The following POLR3H variants were observed in gnomAD, a reference collection of about 807,000 sequenced individuals.
POLR3H encodes the protein RNA polymerase III subunit H.
In POLR3H, 17 loss-of-function variants were observed where a neutral mutation model predicts 25.5. The observed-to-expected ratio is 0.67, with a 90% confidence interval of 0.46 to 1.00. The LOEUF is 1.00. Among genes scored for constraint, POLR3H ranks in the 50% least tolerant of loss-of-function variants. POLR3H has a pLI of 0.00. For missense variants in POLR3H, 274 were observed against 265.0 expected, an observed-to-expected ratio of 1.03 and a Z score of -0.24; for synonymous variants, 129 against 103.0, an observed-to-expected ratio of 1.25 and a Z score of -1.53.
rs1041205876 is a variant in POLR3H, at chr22:41,526,551, G to A, written c.*2732C>T. On this transcript the variant is annotated 3_prime_UTR_variant, in exon 6 of 6. Coordinates refer to ENST00000355209, the MANE Select transcript of POLR3H (RefSeq NM_001018050.4). Reference sequence around the variant, plus strand: ...CATTAGGGGAGTGGAAACTGGGAAGGAGGCCGACCAAGCCCAAAGGGGACT... The same window carrying A: ...CATTAGGGGAGTGGAAACTGGGAAGAAGGCCGACCAAGCCCAAAGGGGACT... 12 of 1,387,690 alleles carry A rather than the reference G, an allele frequency of 8.6e-6. No homozygotes were observed. Among genetic ancestry groups the A allele is most frequent in the Non-Finnish European group, 1.1e-5 (11 of 1,027,446 alleles). The allele number at this position is 1,387,690 out of a possible 1,614,324, so 86.0% of individuals were successfully genotyped here. A position where few individuals can be genotyped will look rare whatever the true frequency, so the allele number is the denominator to read the frequency against.
At chr22:41,535,945 G>A (rs1179727095) in intron 2 of POLR3H, among the ~76,000 whole-genome samples, 2 of 152,012 alleles carry the variant, frequency 1.3e-5, no homozygotes, top group African/African-American at 4.8e-5. Flanking sequence ...ACTGCAGCGT[G>A]GGCGACAGAG....
In POLR3H at chr22:41,527,102, T is replaced by G; in HGVS notation, c.*2181A>C. ...GTGCCTCTGTCCCCTCGGGGCCTCG[T>G]TTGGGTCTCATTCACGCAGGCTTCA... On this transcript the variant is annotated 3_prime_UTR_variant, in exon 6 of 6. Transcript: ENST00000355209. The G allele has an allele frequency of 1.2e-6, 1 of 817,646 alleles. No homozygotes were observed. Among genetic ancestry groups the G allele is most frequent in the Non-Finnish European group, 1.9e-6 (1 of 531,846 alleles). 50.6% of individuals were successfully genotyped at this position (817,646 alleles called of 1,614,324 possible).
chr22:41,529,890 G>A (rs1035628873), intron 5 of POLR3H, among the ~76,000 whole-genome samples: 1 of 151,978 alleles, frequency 6.6e-6, no homozygotes, highest in Non-Finnish European at 1.5e-5. Context: ...CAAGTAGCTG[G>A]GACTACAGGC....
chr22:41,537,313 C>G (rs114503405), intron 2 of POLR3H, among the ~76,000 whole-genome samples: 1 of 152,116 alleles, frequency 6.6e-6, no homozygotes, highest in Non-Finnish European at 1.5e-5. Flanking sequence ...ATAGGGAAAC[C>G]GAGTTTCAGA....
Position 41,532,635 on chromosome 22 carries a change from CT to C in POLR3H, c.295+23del, listed in dbSNP as rs1569031869. Reference sequence around the variant, plus strand: ...CCCCCACAGTGTTCCCAAGTCTTGTCTGAGGCGTCAGGGCCACTGTTACCGT... The same window carrying C: ...CCCCCACAGTGTTCCCAAGTCTTGTCGAGGCGTCAGGGCCACTGTTACCGT... On this transcript the variant is annotated intron_variant, in intron 3 of 5. Transcript: ENST00000355209. 5 of 1,613,810 alleles carry C rather than the reference CT, an allele frequency of 3.1e-6. No individual in the cohort carries two copies. The African/African-American group carries it at 6.7e-5, about 22-fold the overall frequency.
chr22:41,533,495 G>T lies in POLR3H; in HGVS notation c.209-750C>A, dbSNP rs2066785221. The stretch of plus-strand genomic sequence containing the variant: ...CCCACTCACAGCCACATAGCCATGG[G>T]GAGACACCTGGTCTTTCTGTACCCA... On this transcript the variant is annotated intron_variant, in intron 2 of 5. Coordinates refer to ENST00000355209, the MANE Select transcript of POLR3H (RefSeq NM_001018050.4). 3.3e-6 allele frequency: 4 copies of T among 1,201,446 alleles called. No homozygotes were observed. The African/African-American group carries it at 6.4e-5, about 19-fold the overall frequency. The allele number at this position is 1,201,446 out of a possible 1,614,324, so 74.4% of individuals were successfully genotyped here.
Position 41,532,697 on chromosome 22 carries a change from A to T in POLR3H, c.257T>A (p.Ile86Asn). 1 of 1,614,008 alleles carries T rather than the reference A, an allele frequency of 6.2e-7. No individual in the cohort carries two copies. Among genetic ancestry groups the T allele is most frequent in the Non-Finnish European group, 8.5e-7 (1 of 1,179,956 alleles). The change falls in exon 3 of 6, where the codon ATT (isoleucine) becomes AAT (asparagine). Residue 86 changes from isoleucine (I) to asparagine (N), a missense_variant. By Grantham distance (149) the Ile-to-Asn change is moderately radical. Coordinates refer to ENST00000355209, the MANE Select transcript of POLR3H (RefSeq NM_001018050.4). ...TGGGCTGCAGCCTTTGATCTTCCCA[A>T]TGAGAATCTCATCTAGGAATGGATG... Reference protein sequence around the residue: ...VFHPFLDEILIGKIKGCSPEG... With the variant: ...VFHPFLDEILNGKIKGCSPEG...
At chr22:41,543,519 G>A (rs757770126) in intron 1 of POLR3H, among the ~76,000 whole-genome samples, 6 of 152,108 alleles carry the variant, frequency 3.9e-5, no homozygotes, top group Non-Finnish European at 4.4e-5. Flanking sequence ...TACTCGGGAG[G>A]CTGGGGCAGG....
Position 41,526,123 on chromosome 22 carries a change from G to A in POLR3H, c.*3160C>T, listed in dbSNP as rs142010165. On this transcript the variant is annotated 3_prime_UTR_variant, in exon 6 of 6. Transcript: ENST00000355209. ...TGGAAGCACCAGGACCACAGAACAC[G>A]TGTCTGAAGACTTGCCTGCCTCTCA... 1.3e-3 allele frequency: 891 copies of A among 691,566 alleles called. 12 individuals carry two copies. In the East Asian group the frequency reaches 0.022, roughly 17 times the overall value. The allele number at this position is 691,566 out of a possible 1,614,324, so 42.8% of individuals were successfully genotyped here.
In POLR3H at chr22:41,544,059, G is replaced by T; in HGVS notation, c.43C>A (p.Pro15Thr). 2 of 1,613,802 alleles carry T rather than the reference G, an allele frequency of 1.2e-6. No homozygotes were observed. Among genetic ancestry groups the T allele is most frequent in the East Asian group, 2.2e-5 (1 of 44,864 alleles). ...TTGAGCTTCCTCTCAAACTGCCAAG[G>T]GGGGATCCGGACGGTGTCCACCATT... ...VEMVDTVRIP[P>T]WQFERKLNDS... The change falls in exon 1 of 6, where the codon CCT (proline) becomes ACT (threonine). Residue 15 changes from proline (P) to threonine (T), a missense_variant. Pro to Thr is a conservative substitution (Grantham distance 38). Transcript: ENST00000355209.
At chr22:41,536,086 G>A (rs2066838757) in intron 2 of POLR3H, among the ~76,000 whole-genome samples, 1 of 147,772 alleles carries the variant, frequency 6.8e-6, no homozygotes, top group Non-Finnish European at 1.5e-5. Flanking sequence ...CACCATATCT[G>A]CCCCGTGAAA....
At chr22:41,531,234 A>G (rs2066726892) in intron 4 of POLR3H, among the ~76,000 whole-genome samples, 1 of 152,196 alleles carries the variant, frequency 6.6e-6, no homozygotes, top group Non-Finnish European at 1.5e-5. Context: ...GGAGCCCCAC[A>G]CACCCTTTTC....
chr22:41,540,495 T>TA (rs1288426897), intron 2 of POLR3H: 2 of 636,096 alleles, frequency 3.1e-6, no homozygotes, highest in Non-Finnish European at 5.7e-6. Context: ...TTTAGCCTTT[T>TA]AAAATTTTTT....
chr22:41,543,819 C>G lies in POLR3H; in HGVS notation c.111+172G>C, dbSNP rs368497843. ...CCAGTTACAACTCCCTTTTTCAAGCCCATTTTCTTTTGATCCCCTTCAATA... is the reference window on the plus strand; with the variant it reads ...CCAGTTACAACTCCCTTTTTCAAGCGCATTTTCTTTTGATCCCCTTCAATA... On this transcript the variant is annotated intron_variant, in intron 1 of 5. Transcript: ENST00000355209. The G allele has an allele frequency of 6.5e-4, 460 of 708,604 alleles. 2 individuals carry two copies. The East Asian group carries it at 0.011, about 17-fold the overall frequency. 43.9% of individuals were successfully genotyped at this position (708,604 alleles called of 1,614,324 possible).
In POLR3H at chr22:41,527,732, T is replaced by C; in HGVS notation, c.*1551A>G. On this transcript the variant is annotated 3_prime_UTR_variant, in exon 6 of 6. Transcript: ENST00000355209. ...GACCTCAGCACCAGCGCACACTTGC[T>C]AGGGGCACCCCTAGTGAAAGGGAGC... The C allele has an allele frequency of 1.7e-6, 2 of 1,146,324 alleles. No individual in the cohort carries two copies. The highest frequency in any genetic ancestry group is 3.1e-5 in the South Asian group (2 of 65,192). The allele number at this position is 1,146,324 out of a possible 1,614,324, so 71.0% of individuals were successfully genotyped here. A position where few individuals can be genotyped will look rare whatever the true frequency, so the allele number is the denominator to read the frequency against.
chr22:41,541,879 G>A (rs1386602610), intron 1 of POLR3H, among the ~76,000 whole-genome samples: 1 of 152,166 alleles, frequency 6.6e-6, no homozygotes, highest in Non-Finnish European at 1.5e-5. Context: ...GAAGGGACCT[G>A]TCTCATGCGT....
chr22:41,532,825 CT>C, intron 2 of POLR3H, 80 bp from the exon 3 acceptor site: 1 of 1,499,852 alleles, frequency 6.7e-7, no homozygotes, highest in Non-Finnish European at 9.1e-7. Context: ...GCCAGCACAC[CT>C]GGGGGCCTGT....
Position 41,526,574 on chromosome 22 carries a change from A to T in POLR3H, c.*2709T>A, listed in dbSNP as rs2066601510. The stretch of plus-strand genomic sequence containing the variant: ...AGGAGGCCGACCAAGCCCAAAGGGG[A>T]CTGCTGTGGAAGGGAGGAGAGGCCT... On this transcript the variant is annotated 3_prime_UTR_variant, in exon 6 of 6. Transcript: ENST00000355209. 1.7e-6 allele frequency: 2 copies of T among 1,156,698 alleles called. No individual in the cohort carries two copies. Among genetic ancestry groups the T allele is most frequent in the Non-Finnish European group, 2.4e-6 (2 of 836,262 alleles). The allele number at this position is 1,156,698 out of a possible 1,614,324, so 71.7% of individuals were successfully genotyped here.
chr22:41,535,525 A>C (rs1353773824), intron 2 of POLR3H, among the ~76,000 whole-genome samples: 1 of 152,218 alleles, frequency 6.6e-6, no homozygotes, highest in Non-Finnish European at 1.5e-5. Context: ...AGTCTAAAGG[A>C]CCATCAAGAA....
Sources: allele counts gnomAD v4.1 joint callset (sites outside exome capture counted in the v4.1 genomes callset), GRCh38; gene constraint gnomAD v4.1.1; transcripts MANE v1.5; gene names NCBI Gene and HGNC (gene_info 2026-07-23, HGNC 2026-07-21).